Variants in ZNF536 observed in about 807,000 individuals in gnomAD.
ZNF536 encodes the protein zinc finger protein 536.
Under a neutral mutation model 84.5 loss-of-function variants are expected in ZNF536, and 13 were observed. The ratio of observed to expected loss-of-function variants is 0.15; its 90% CI spans 0.10 to 0.24. The LOEUF is 0.24. Ranked by LOEUF, ZNF536 falls within the 10% of genes least tolerant of loss-of-function variation. The pLI is 1.00. For synonymous variants in ZNF536, 811 were observed against 742.5 expected, an observed-to-expected ratio of 1.09 and a Z score of -1.50; for missense variants, 1,536 against 1,747.5, an observed-to-expected ratio of 0.88 and a Z score of 2.16.
At chr19:30,703,023 G>A (rs2052053115) in intron 1 of ZNF536, among the ~76,000 whole-genome samples, 1 of 152,172 alleles carries the variant, frequency 6.6e-6, no homozygotes, top group Admixed American at 6.5e-5. Flanking sequence ...GGCGTGTGCT[G>A]GGATGTGTGT....
At chr19:30,415,317 T>TCTC (rs1170697794) in intron 1 of ZNF536, among the ~76,000 whole-genome samples, 54 of 145,012 alleles carry the variant, frequency 3.7e-4, no homozygotes, top group East Asian at 1.9e-3. Flanking sequence ...TCCTTCTCCT[T>TCTC]CTTCTTCTTC....
chr19:30,411,583 A>G (rs1458623101), intron 1 of ZNF536, among the ~76,000 whole-genome samples: 1 of 152,116 alleles, frequency 6.6e-6, no homozygotes, highest in African/African-American at 2.4e-5. Context: ...TGATCAGTCT[A>G]TTTTTATATC....
At chr19:30,524,683 A>G (rs1353682293) in intron 2 of ZNF536, among the ~76,000 whole-genome samples, 2 of 152,140 alleles carry the variant, frequency 1.3e-5, no homozygotes, top group Non-Finnish European at 2.9e-5. Context: ...CTGGAGTCAG[A>G]TCTTCCATCT....
intron 1 of ZNF536, among the ~76,000 whole-genome samples, chr19:30,630,452 C>G (rs1448551284): frequency 1.3e-5 from 2 of 152,010 alleles, no homozygotes; most frequent in Non-Finnish European, 2.9e-5. Flanking sequence ...CGTGTGTGCA[C>G]ACGTCCTGCA....
At chr19:30,310,456 G>A (rs1244289491) in intron 2 of ZNF536, among the ~76,000 whole-genome samples, 2 of 152,192 alleles carry the variant, frequency 1.3e-5, no homozygotes, top group Non-Finnish European at 2.9e-5. Flanking sequence ...TGCGATCATC[G>A]GTTTCATGCA....
At chr19:30,652,312 T>C (rs560838858) in intron 1 of ZNF536, among the ~76,000 whole-genome samples, 6 of 152,348 alleles carry the variant, frequency 3.9e-5, no homozygotes, top group African/African-American at 1.4e-4. Flanking sequence ...TTAATATTTT[T>C]CTAAAGAAAA....
chr19:30,416,101 T>G (rs944445286), intron 1 of ZNF536, among the ~76,000 whole-genome samples: 22 of 152,336 alleles, frequency 1.4e-4, no homozygotes, highest in Admixed American at 8.5e-4. Flanking sequence ...CTATTCAGCT[T>G]TTAGATCTTC....
intron 2 of ZNF536, among the ~76,000 whole-genome samples, chr19:30,532,971 A>C (rs2044906066): frequency 6.6e-6 from 1 of 152,154 alleles, no homozygotes; most frequent in South Asian, 2.1e-4. Context: ...TGGTGGAGTG[A>C]CTTTGAGTTC....
intron 1 of ZNF536, among the ~76,000 whole-genome samples, chr19:30,616,429 C>T (rs2048296695): frequency 6.6e-6 from 1 of 152,138 alleles, no homozygotes; most frequent in African/African-American, 2.4e-5. Context: ...ATATTTTTCT[C>T]TGACATAATA....
At chr19:30,356,103 A>G (rs1407199772) in intron 3 of ZNF536, among the ~76,000 whole-genome samples, 4 of 152,240 alleles carry the variant, frequency 2.6e-5, no homozygotes, top group African/African-American at 9.6e-5. Context: ...CACACATCAG[A>G]CAATGATTTC....
intron 3 of ZNF536, among the ~76,000 whole-genome samples, chr19:30,536,738 A>T (rs1354174650): frequency 3.3e-5 from 5 of 151,944 alleles, no homozygotes; most frequent in African/African-American, 1.2e-4. Flanking sequence ...ATCAGAAACC[A>T]CAGCCTGACA....
At chr19:30,514,172 C>A (rs886929316) in intron 2 of ZNF536, among the ~76,000 whole-genome samples, 1 of 152,298 alleles carries the variant, frequency 6.6e-6, no homozygotes, top group African/African-American at 2.4e-5. Context: ...AGGAGAGGAG[C>A]ACAGACCTCA....
chr19:30,364,396 G>A (rs181565275), intron 3 of ZNF536, among the ~76,000 whole-genome samples: 13 of 152,164 alleles, frequency 8.5e-5, no homozygotes, highest in South Asian at 2.1e-4. Flanking sequence ...GCATGGTGGC[G>A]TGCACCTGCA....
intron 1 of ZNF536, among the ~76,000 whole-genome samples, chr19:30,598,764 T>A (rs2047553726): frequency 6.6e-6 from 1 of 152,170 alleles, no homozygotes; most frequent in Admixed American, 6.5e-5. Flanking sequence ...AAAAATACTA[T>A]AGTTTATATT....
chr19:30,546,080 C>A (rs1164051528), intron 3 of ZNF536, among the ~76,000 whole-genome samples: 3 of 152,178 alleles, frequency 2.0e-5, no homozygotes, highest in Non-Finnish European at 4.4e-5. Flanking sequence ...TCGGGGACTG[C>A]CTCTGTTACA....
intron 2 of ZNF536, among the ~76,000 whole-genome samples, chr19:30,478,904 C>T (rs954648075): frequency 6.6e-6 from 1 of 152,130 alleles, no homozygotes; most frequent in Non-Finnish European, 1.5e-5. Flanking sequence ...CAGAGGGGCT[C>T]CCTCTCCTTT....
chr19:30,273,510 A>G (rs2145504667), intron 1 of ZNF536, among the ~76,000 whole-genome samples: 1 of 152,130 alleles, frequency 6.6e-6, no homozygotes, highest in East Asian at 1.9e-4. Flanking sequence ...ATCTTTTCAT[A>G]TGCTTATTTT....
intron 1 of ZNF536, among the ~76,000 whole-genome samples, chr19:30,644,735 A>G (rs2049401809): frequency 6.6e-6 from 1 of 152,196 alleles, no homozygotes; most frequent in African/African-American, 2.4e-5. Context: ...TATGGTGTAT[A>G]TGTGCCACAT....
At chr19:30,585,123 A>C (rs1005189990) in intron 1 of ZNF536, among the ~76,000 whole-genome samples, 2 of 152,050 alleles carry the variant, frequency 1.3e-5, no homozygotes, top group Non-Finnish European at 2.9e-5. Flanking sequence ...CTCAAAAAAA[A>C]AAAGAAAAAG....
Sources: gnomAD v4.1 joint callset for allele counts (sites outside exome capture counted in the v4.1 genomes callset) on GRCh38, gnomAD v4.1.1 for gene constraint, MANE v1.5 for transcripts, NCBI Gene and HGNC (gene_info 2026-07-23, HGNC 2026-07-21) for gene names.